Variants in SAMD7 observed in about 807,000 individuals in gnomAD.
SAMD7 encodes the protein sterile alpha motif domain containing 7.
Under a neutral mutation model 36.7 loss-of-function variants are expected in SAMD7, and 34 were observed. That is an observed-to-expected ratio of 0.93 (90% CI 0.71 to 1.23). The LOEUF (loss-of-function observed/expected upper bound fraction) is 1.23. Among genes scored for constraint, SAMD7 ranks in the 50% most tolerant of loss-of-function variants. The pLI is 0.00. For missense variants in SAMD7, 570 were observed against 546.6 expected, an observed-to-expected ratio of 1.04 and a Z score of -0.43; for synonymous variants, 188 against 189.7, an observed-to-expected ratio of 0.99 and a Z score of 0.07.
intron 7 of SAMD7, among the ~76,000 whole-genome samples, chr3:169,929,515 C>T (rs718695): frequency 0.28 from 42,290 of 151,856 alleles, 6,261 homozygotes; most frequent in African/African-American, 0.38. Flanking sequence ...ACGGGACTTA[C>T]GGAAAAACTA....
At chr3:169,918,875 G>A (rs915249307) in intron 2 of SAMD7, among the ~76,000 whole-genome samples, 19 of 152,334 alleles carry the variant, frequency 1.2e-4, no homozygotes, top group African/African-American at 3.4e-4. Context: ...GGCCAGGCAC[G>A]GTGGCTCACG....
At chr3:169,913,193 A>G (rs1334096269) in intron 1 of SAMD7, among the ~76,000 whole-genome samples, 2 of 152,228 alleles carry the variant, frequency 1.3e-5, no homozygotes, top group Non-Finnish European at 2.9e-5. Context: ...TACAGCAGTT[A>G]CTTAAAAATT....
intron 8 of SAMD7, among the ~76,000 whole-genome samples, chr3:169,937,236 G>A (rs117741183): frequency 0.025 from 3,754 of 152,086 alleles, 89 homozygotes; most frequent in East Asian, 0.13. Flanking sequence ...TTGGATGACT[G>A]TATTGGCCTT....
intron 1 of SAMD7, 111 bp downstream of exon 1, chr3:169,911,932 A>G (rs1712616849): frequency 6.6e-6 from 1 of 152,238 alleles, no homozygotes; most frequent in African/African-American, 2.4e-5. Context: ...GGAAATGCTT[A>G]GGTTTATGTG....
Position 169,928,661 on chromosome 3 carries a change from T to C in SAMD7, c.1041+83T>C, listed in dbSNP as rs1713368960. On this transcript the variant is annotated intron_variant, in intron 7 of 8. Transcript: ENST00000335556. ...CATAATGAATTAGGTCAAACTTGCA[T>C]TGTGCCTCCAGAAAGGATTCCTACT... is the stretch of plus-strand genomic sequence containing the variant. 18 of 1,383,442 alleles carry C rather than the reference T, an allele frequency of 1.3e-5. No individual in the cohort carries two copies. In the Middle Eastern group the frequency reaches 5.4e-4, roughly 42 times the overall value. 85.7% of individuals were successfully genotyped at this position (1,383,442 alleles called of 1,614,324 possible).
chr3:169,925,084 A>G lies in SAMD7; in HGVS notation c.238A>G (p.Ile80Val), dbSNP rs1206003695. The G allele has an allele frequency of 6.2e-7, 1 of 1,611,348 alleles. No individual in the cohort carries two copies. The highest frequency in any genetic ancestry group is 1.3e-5 in the African/African-American group (1 of 74,836). The change falls in exon 5 of 9, where the codon ATA becomes GTA. Residue 80 changes from isoleucine to valine, a missense_variant. Ile to Val is a conservative substitution (Grantham distance 29). Coordinates refer to ENST00000335556, the MANE Select transcript of SAMD7 (RefSeq NM_001304366.2). The stretch of plus-strand genomic sequence containing the variant: ...TTGGGGCATTTTACCACCTGAATCC[A>G]TAAAGGCAGTGGCCAGAAGGAATGA... ...PGWGILPPES[I>V]KAVARRNEMI...
chr3:169,912,853 G>A (rs1448874327), intron 1 of SAMD7, among the ~76,000 whole-genome samples: 1 of 152,140 alleles, frequency 6.6e-6, no homozygotes, highest in Non-Finnish European at 1.5e-5. Context: ...TCTTTCTAAA[G>A]TTCTCCTCCG....
In SAMD7 at chr3:169,928,470, G is replaced by A; in HGVS notation, c.933G>A (p.Leu311=). The A allele has an allele frequency of 6.2e-7, 1 of 1,612,074 alleles. No homozygotes were observed. The highest frequency in any genetic ancestry group is 8.5e-7 in the Non-Finnish European group (1 of 1,178,124). The change falls in exon 7 of 9, where the codon CTG becomes CTA. Residue 311 remains leucine, a synonymous_variant. Transcript: ENST00000335556. The part of the protein sequence containing the change: ...PRPSLPGTHA[L]VTIGGNLSLD... ...TCCATTTTAAAGGAACACATGCACTGGTTACAATTGGGGGGAATCTTTCTT... is the reference window on the plus strand; with the variant it reads ...TCCATTTTAAAGGAACACATGCACTAGTTACAATTGGGGGGAATCTTTCTT...
intron 8 of SAMD7, among the ~76,000 whole-genome samples, chr3:169,936,758 C>T (rs972866307): frequency 6.6e-6 from 1 of 152,102 alleles, no homozygotes; most frequent in African/African-American, 2.4e-5. Flanking sequence ...AAATTACTCC[C>T]ACCGTGGCTG....
rs768494340 is a variant in SAMD7, at chr3:169,936,375, C to A, written c.1078C>A (p.Pro360Thr). Residue 360 changes from proline (P) to threonine (T), a missense_variant, in exon 8 of 9, where the codon CCA (proline) becomes ACA (threonine). Coordinates refer to ENST00000335556, the MANE Select transcript of SAMD7 (RefSeq NM_001304366.2). ...TCATGCAATTGATGGAGAAACTTTGCCATTACTCACAGAAGAGCATCTTCG... is the reference window on the plus strand; with the variant it reads ...TCATGCAATTGATGGAGAAACTTTGACATTACTCACAGAAGAGCATCTTCG... ...KDHAIDGETLPLLTEEHLRGT... is the reference protein window; with the variant it reads ...KDHAIDGETLTLLTEEHLRGT... The A allele has an allele frequency of 6.2e-7, 1 of 1,612,602 alleles. No homozygotes were observed. Among genetic ancestry groups the A allele is most frequent in the Non-Finnish European group, 8.5e-7 (1 of 1,178,964 alleles).
rs142323210 is a variant in SAMD7 at position 169,925,118 on chromosome 3, A to G, written c.272A>G (p.Gln91Arg). 1.2e-6 allele frequency: 2 copies of G among 1,610,152 alleles called. No homozygotes were observed. Among genetic ancestry groups the G allele is most frequent in the African/African-American group, 2.7e-5 (2 of 74,842 alleles). ...KAVARRNEMI[Q>R]RHHTARTEME... Reference sequence around the variant, plus strand: ...GTGGCCAGAAGGAATGAAATGATTCAACGGCATCATACTGCCAGGTAATTT... The same window carrying G: ...GTGGCCAGAAGGAATGAAATGATTCGACGGCATCATACTGCCAGGTAATTT... Residue 91 changes from glutamine to arginine, a missense_variant, in exon 5 of 9, where the codon CAA (glutamine) becomes CGA (arginine). Gln to Arg is a conservative substitution (Grantham distance 43, BLOSUM62 1). Coordinates refer to ENST00000335556, the MANE Select transcript of SAMD7 (RefSeq NM_001304366.2).
intron 7 of SAMD7, chr3:169,932,925 T>C: frequency 1.5e-6 from 1 of 658,114 alleles, no homozygotes; most frequent in Non-Finnish European, 2.9e-6. Context: ...ATGCTCATCC[T>C]TCTTGATAAC....
chr3:169,927,686 GC>G (rs1713334004), intron 6 of SAMD7, among the ~76,000 whole-genome samples: 1 of 152,066 alleles, frequency 6.6e-6, no homozygotes. Context: ...AGTGAAACTA[GC>G]CTCTGTTTAT....
intron 2 of SAMD7, among the ~76,000 whole-genome samples, chr3:169,918,546 G>GA (rs1368701487): frequency 6.6e-6 from 1 of 152,114 alleles, no homozygotes; most frequent in Non-Finnish European, 1.5e-5. Flanking sequence ...AAAATGTCAG[G>GA]AAAAATGTTA....
chr3:169,927,212 C>T, intron 6 of SAMD7, 31 bp downstream of exon 6: 1 of 1,472,352 alleles, frequency 6.8e-7, no homozygotes, highest in African/African-American at 1.4e-5. Flanking sequence ...GGCAGATCCT[C>T]ATTAACTACA....
intron 7 of SAMD7, chr3:169,932,753 TG>T: frequency 1.9e-6 from 1 of 534,304 alleles, no homozygotes; most frequent in African/African-American, 1.9e-5. Context: ...ATTGGCCAGG[TG>T]GGAGTATGAT....
At chr3:169,930,850 GGA>G (rs1266136089) in intron 7 of SAMD7, among the ~76,000 whole-genome samples, 35 of 151,746 alleles carry the variant, frequency 2.3e-4, no homozygotes, top group African/African-American at 8.2e-4. Flanking sequence ...CAAAGTGCTG[GGA>G]TTACAGGCAT....
intron 1 of SAMD7, among the ~76,000 whole-genome samples, chr3:169,914,628 G>C (rs1256888431): frequency 1.3e-5 from 2 of 152,170 alleles, no homozygotes; most frequent in Admixed American, 6.5e-5. Context: ...AAGCAAGCCA[G>C]ACCCAAGAAC....
intron 7 of SAMD7, among the ~76,000 whole-genome samples, 191 bp from the exon 8 acceptor site, chr3:169,936,148 G>A (rs893734042): frequency 6.6e-6 from 1 of 152,080 alleles, no homozygotes; most frequent in African/African-American, 2.4e-5. Flanking sequence ...CGATTACAAA[G>A]GTTATTAAAG....
Sources: gnomAD v4.1 joint callset for allele counts (sites outside exome capture counted in the v4.1 genomes callset) on GRCh38, gnomAD v4.1.1 for gene constraint, MANE v1.5 for transcripts, NCBI Gene and HGNC (gene_info 2026-07-23, HGNC 2026-07-21) for gene names.